EXT1: variants seen among roughly 807,000 people sequenced by gnomAD.
The protein encoded by EXT1 is exostosin-1.
In EXT1, 20 loss-of-function variants were observed where a neutral mutation model predicts 82.5. The ratio of observed to expected loss-of-function variants is 0.24; its 90% confidence interval spans 0.17 to 0.35. The LOEUF (loss-of-function observed/expected upper bound fraction) is 0.35. Among genes scored for constraint, EXT1 ranks in the 10% least tolerant of loss-of-function variants. The pLI is 1.00. For missense variants in EXT1, 757 were observed against 936.5 expected (o/e 0.81, Z 2.50); for synonymous variants, 348 against 350.8 (o/e 0.99, Z 0.09).
At chr8:118,093,556 T>C (rs1425739777) in intron 1 of EXT1, among the ~76,000 whole-genome samples, 2 of 152,080 alleles carry the variant, frequency 1.3e-5, no homozygotes. Flanking sequence ...TATGGTGAAG[T>C]TTCAAGGAAC....
chr8:117,921,875 T>C (rs1400143838), intron 1 of EXT1, among the ~76,000 whole-genome samples: 1 of 152,178 alleles, frequency 6.6e-6, no homozygotes, highest in Non-Finnish European at 1.5e-5. Flanking sequence ...TATTCAACAT[T>C]CAAAACATTT....
At chr8:117,984,949 G>T (rs139070163) in intron 1 of EXT1, among the ~76,000 whole-genome samples, 2 of 152,256 alleles carry the variant, frequency 1.3e-5, no homozygotes, top group African/African-American at 4.8e-5. Flanking sequence ...AGTCAGGAAC[G>T]CTACGGACGG....
At chr8:118,031,691 C>T (rs1038078010) in intron 1 of EXT1, among the ~76,000 whole-genome samples, 3 of 151,982 alleles carry the variant, frequency 2.0e-5, no homozygotes, top group Non-Finnish European at 4.4e-5. Flanking sequence ...ACATCTCTGT[C>T]CTATCCCCGA....
chr8:117,884,871 G>A lies in EXT1; in HGVS notation c.963-47670C>T, dbSNP rs183650774. On this transcript the variant is annotated intron_variant, in intron 1 of 10. Coordinates refer to ENST00000378204, the MANE Select transcript of EXT1 (RefSeq NM_000127.3). ...CTCCAGCTTTCTGTAGCAGCAACCT[G>A]GCTCAATTTCCCTTGATTAGCACAA... 5.9e-5 allele frequency among the ~76,000 whole-genome samples: 9 copies of A among 152,248 alleles called. No homozygotes were observed. The East Asian group carries it at 1.7e-3, about 29-fold the overall frequency.
At chr8:117,969,910 C>A (rs1238067449) in intron 1 of EXT1, among the ~76,000 whole-genome samples, 1 of 152,148 alleles carries the variant, frequency 6.6e-6, no homozygotes, top group East Asian at 1.9e-4. Context: ...GAAATGGATC[C>A]AAGTTACCTT....
At chr8:117,821,545 C>T (rs1274986812) in intron 5 of EXT1, among the ~76,000 whole-genome samples, 1 of 152,152 alleles carries the variant, frequency 6.6e-6, no homozygotes, top group Non-Finnish European at 1.5e-5. Context: ...AGATGGTTCC[C>T]ATAACAGGTT....
At chr8:117,909,504 CA>C (rs1389267503) in intron 1 of EXT1, among the ~76,000 whole-genome samples, 5 of 152,028 alleles carry the variant, frequency 3.3e-5, no homozygotes, top group African/African-American at 4.8e-5. Flanking sequence ...TGAATAAATT[CA>C]AAAAATATGT....
Position 117,897,591 on chromosome 8 carries a change from C to CTTTTTTTTTT in EXT1, c.963-60400_963-60391dup, listed in dbSNP as rs34963536. Among the ~76,000 whole-genome samples, 546 of 90,680 alleles carry CTTTTTTTTTT rather than the reference C, an allele frequency of 6.0e-3. 18 individuals are homozygous for CTTTTTTTTTT. The highest frequency in any genetic ancestry group is 8.4e-3 in the Non-Finnish European group (420 of 49,872). 59.5% of individuals were successfully genotyped at this position (90,680 alleles called of 152,430 possible). A position where few individuals can be genotyped will look rare whatever the true frequency, so the allele number is the denominator to read the frequency against. On this transcript the variant is annotated intron_variant, in intron 1 of 10. Transcript: ENST00000378204. Reference sequence around the variant, plus strand: ...TAGCCCATTGCCGGGCTTCTTTTCTCTTTTTTTTTTTTTTTTTTTTTGAGA... The same window carrying CTTTTTTTTTT: ...TAGCCCATTGCCGGGCTTCTTTTCTCTTTTTTTTTTTTTTTTTTTTTTTTTTTTTTTGAGA...
At chr8:118,002,528 C>A (rs370611500) in intron 1 of EXT1, among the ~76,000 whole-genome samples, 1 of 87,096 alleles carries the variant, frequency 1.1e-5, no homozygotes, top group Non-Finnish European at 2.1e-5. Flanking sequence ...GAATATTTTT[C>A]TTTTTTTTTT....
At chr8:117,973,037 T>C (rs1262514805) in intron 1 of EXT1, among the ~76,000 whole-genome samples, 2 of 152,200 alleles carry the variant, frequency 1.3e-5, no homozygotes, top group Non-Finnish European at 2.9e-5. Flanking sequence ...CAGACACATG[T>C]TGACCTTACC....
At chr8:117,870,780 CG>C (rs1195319014) in intron 1 of EXT1, among the ~76,000 whole-genome samples, 8 of 151,044 alleles carry the variant, frequency 5.3e-5, no homozygotes, top group African/African-American at 2.0e-4. Flanking sequence ...CTTGGTGTCC[CG>C]TATCCACATC....
chr8:118,071,308 T>G (rs1817087841), intron 1 of EXT1, among the ~76,000 whole-genome samples: 1 of 152,208 alleles, frequency 6.6e-6, no homozygotes, highest in Admixed American at 6.5e-5. Context: ...ACCTCCTGCG[T>G]GACACTGTAT....
At chr8:118,073,660 A>C (rs1256832870) in intron 1 of EXT1, among the ~76,000 whole-genome samples, 1 of 148,074 alleles carries the variant, frequency 6.8e-6, no homozygotes, top group African/African-American at 2.5e-5. Flanking sequence ...AAGAGAAGAG[A>C]AGAGAAGAGA....
intron 1 of EXT1, among the ~76,000 whole-genome samples, chr8:118,060,303 C>A (rs941113029): frequency 6.6e-6 from 1 of 152,146 alleles, no homozygotes; most frequent in African/African-American, 2.4e-5. Flanking sequence ...GGCCCACAGA[C>A]GTGTTTGATT....
chr8:117,962,013 A>G (rs1814710095), intron 1 of EXT1, among the ~76,000 whole-genome samples: 1 of 152,204 alleles, frequency 6.6e-6, no homozygotes, highest in Non-Finnish European at 1.5e-5. Flanking sequence ...AAGAAGGGTC[A>G]GTGCAGGGGA....
intron 1 of EXT1, among the ~76,000 whole-genome samples, chr8:117,978,012 G>T (rs1365921535): frequency 6.6e-6 from 1 of 152,192 alleles, no homozygotes; most frequent in African/African-American, 2.4e-5. Flanking sequence ...AATTAAGAGT[G>T]AGGTTGTCTT....
intron 1 of EXT1, among the ~76,000 whole-genome samples, chr8:118,037,843 T>G (rs10105934): frequency 0.33 from 47,690 of 143,054 alleles, 8,992 homozygotes; most frequent in Middle Eastern, 0.47. Context: ...TTTGTTTTTT[T>G]TTTTTTTTTT....
chr8:118,067,514 A>T (rs1416843403), intron 1 of EXT1, among the ~76,000 whole-genome samples: 1 of 152,230 alleles, frequency 6.6e-6, no homozygotes, highest in African/African-American at 2.4e-5. Context: ...TCCAGGATGG[A>T]CATAGTACAT....
rs574536157 is a variant in EXT1, at chr8:117,818,807, G to T, written c.1537-277C>A. Among the ~76,000 whole-genome samples the T allele has an allele frequency of 3.9e-5, 6 of 152,296 alleles. No homozygotes were observed. In the East Asian group the frequency reaches 5.8e-4, roughly 15 times the overall value. ...CTGTGTCCGGGAATAGGGGAAAGCT[G>T]CAGGAAAAAGAATTACGGTGGCTGG... On this transcript the variant is annotated intron_variant, in intron 6 of 10. Coordinates refer to ENST00000378204, the MANE Select transcript of EXT1 (RefSeq NM_000127.3).
Sources: gnomAD v4.1 joint callset for allele counts (sites outside exome capture counted in the v4.1 genomes callset) on GRCh38, gnomAD v4.1.1 for gene constraint, MANE v1.5 for transcripts, NCBI Gene and HGNC (gene_info 2026-07-23, HGNC 2026-07-21) for gene names.